Variants in ACSBG1 observed in about 807,000 individuals in gnomAD.
ACSBG1 encodes the protein long-chain-fatty-acid--CoA ligase ACSBG1.
ACSBG1 carries 39 observed loss-of-function variants against 80.2 expected under a neutral mutation model. That is an observed-to-expected ratio of 0.49 (90% CI 0.38 to 0.64). The LOEUF is 0.64. Ranked by LOEUF, ACSBG1 falls within the 30% of genes least tolerant of loss-of-function variation. The probability of loss-of-function intolerance (pLI) is 0.00; values close to 1 mark genes in which losing one functional copy is unlikely to be tolerated. For synonymous variants in ACSBG1, 392 were observed against 379.5 expected (o/e 1.03, Z -0.38); for missense variants, 828 against 966.4 (o/e 0.86, Z 1.90).
At chr15:78,186,767 G>A (rs1414690541) in intron 5 of ACSBG1, among the ~76,000 whole-genome samples, 1 of 152,084 alleles carries the variant, frequency 6.6e-6, no homozygotes, top group Non-Finnish European at 1.5e-5. Context: ...AAAAGAACTA[G>A]AAAAGCAAGA....
chr15:78,182,138 C>CACGTG lies in ACSBG1; in HGVS notation c.897_901dup (p.Trp301SerfsTer24). 2 of 1,608,658 alleles carry CACGTG rather than the reference C, an allele frequency of 1.2e-6. No homozygotes were observed. The highest frequency in any genetic ancestry group is 1.7e-6 in the Non-Finnish European group (2 of 1,179,728). ...GGCCTGGCTGCCGTACCGTGCCGTC[C>CACGTG]ACGTGATCTGGAGGACAAGTAGATG... On this transcript the variant is annotated frameshift_variant, in exon 8 of 14. Transcript: ENST00000258873. LOFTEE classifies it high-confidence loss of function.
At chr15:78,207,923 A>ACCCCCCCCCCCCCCCCCACACCCCC in intron 2 of ACSBG1, 79 bp downstream of exon 2, 1 of 284,792 alleles carries the variant, frequency 3.5e-6, no homozygotes, top group Non-Finnish European at 7.2e-6. Flanking sequence ...GTGGTCCCCC[A>ACCCCCCCCCCCCCCCCCACACCCCC]CACCACCCAC....
chr15:78,195,628 TGAA>T (rs926119483), intron 2 of ACSBG1, among the ~76,000 whole-genome samples: 6 of 152,178 alleles, frequency 3.9e-5, no homozygotes, highest in African/African-American at 1.4e-4. Flanking sequence ...AGGGTGTATA[TGAA>T]GAAGCTTTGA....
At chr15:78,181,489 CTTTTT>C (rs71145901) in intron 8 of ACSBG1, among the ~76,000 whole-genome samples, 3 of 83,044 alleles carry the variant, frequency 3.6e-5, no homozygotes, top group African/African-American at 9.4e-5. Flanking sequence ...CATCAGGTTT[CTTTTT>C]TTTTTTTTTT....
Position 78,180,884 on chromosome 15 carries a change from A to AC in ACSBG1, c.1123dup (p.Val375GlyfsTer104). On this transcript the variant is annotated frameshift_variant, in exon 9 of 14. Transcript: ENST00000258873. LOFTEE classifies it high-confidence loss of function. ...CATGATCTTCTCCCATACCCGGGGC[A>AC]CCCCCATGTGTGATGTGGGCTCCAC... is the stretch of plus-strand genomic sequence containing the variant. 1 of 1,614,000 alleles carries AC rather than the reference A, an allele frequency of 6.2e-7. No homozygotes were observed. The highest frequency in any genetic ancestry group is 8.5e-7 in the Non-Finnish European group (1 of 1,179,982).
At chr15:78,231,955 G>T (rs1221649404) in intron 1 of ACSBG1, among the ~76,000 whole-genome samples, 1 of 152,194 alleles carries the variant, frequency 6.6e-6, no homozygotes, top group Non-Finnish European at 1.5e-5. Flanking sequence ...CTGCAAGAAT[G>T]TCAGAGCAGG....
At chr15:78,193,189 C>T (rs954659394) in intron 5 of ACSBG1, among the ~76,000 whole-genome samples, 2 of 152,182 alleles carry the variant, frequency 1.3e-5, no homozygotes, top group Non-Finnish European at 2.9e-5. Context: ...CAGAGGACCC[C>T]GGCCCCCACA....
At position 78,206,195 on chromosome 15, in the gene ACSBG1, C is replaced by T. The variant is rs1344345928; in HGVS notation, c.232+1807G>A. On this transcript the variant is annotated intron_variant, in intron 2 of 13. Coordinates refer to ENST00000258873, the MANE Select transcript of ACSBG1 (RefSeq NM_015162.5). ...TGACAACCATGGTGCCTCCTTAGCC[C>T]CTCCCAAACCTCCCCTTTCTCTTTG... Among the ~76,000 whole-genome samples, 3 of 152,196 alleles carry T rather than the reference C, an allele frequency of 2.0e-5. No homozygotes were observed. In the East Asian group the frequency reaches 5.8e-4, roughly 29 times the overall value.
chr15:78,201,607 A>T (rs2075168545), intron 2 of ACSBG1, among the ~76,000 whole-genome samples: 4 of 152,210 alleles, frequency 2.6e-5, no homozygotes, highest in Admixed American at 2.6e-4. Flanking sequence ...AAGGGAAGAC[A>T]GATGCATCTT....
intron 2 of ACSBG1, among the ~76,000 whole-genome samples, chr15:78,204,768 A>C (rs972732742): frequency 6.6e-6 from 1 of 152,192 alleles, no homozygotes; most frequent in African/African-American, 2.4e-5. Context: ...ACCCGGCCTC[A>C]AACTGTGAGC....
chr15:78,227,040 T>G (rs1205708633), intron 1 of ACSBG1, among the ~76,000 whole-genome samples: 1 of 150,316 alleles, frequency 6.7e-6, no homozygotes, highest in Non-Finnish European at 1.5e-5. Context: ...GGCAACATGG[T>G]GAAACCTGGT....
chr15:78,209,460 C>G (rs1404826460), intron 1 of ACSBG1, among the ~76,000 whole-genome samples: 1 of 152,168 alleles, frequency 6.6e-6, no homozygotes, highest in Admixed American at 6.5e-5. Context: ...CGTGTGCTTC[C>G]GGGGCGAGGC....
At chr15:78,221,991 CT>C (rs1184298744) in intron 1 of ACSBG1, among the ~76,000 whole-genome samples, 3 of 152,154 alleles carry the variant, frequency 2.0e-5, no homozygotes, top group Non-Finnish European at 1.5e-5. Context: ...TTATGTCTTC[CT>C]TTTCTACATA....
chr15:78,212,817 C>T (rs1267022008), intron 1 of ACSBG1: 4 of 296,000 alleles, frequency 1.4e-5, no homozygotes, highest in Non-Finnish European at 2.1e-5. Context: ...TCATCTGCTC[C>T]TGGGGTGGGA....
intron 1 of ACSBG1, chr15:78,212,626 G>C: frequency 2.2e-6 from 1 of 455,748 alleles, no homozygotes; most frequent in Non-Finnish European, 4.4e-6. Flanking sequence ...TGCAATCTGT[G>C]AGCTTGCCCA....
chr15:78,209,863 C>T (rs34492856), intron 1 of ACSBG1, among the ~76,000 whole-genome samples: 2,658 of 152,312 alleles, frequency 0.017, 37 homozygotes, highest in Non-Finnish European at 0.026. Flanking sequence ...TAATGTCCCA[C>T]CATCTGAACT....
rs113777414 is a variant in ACSBG1, at chr15:78,182,041, G to C, written c.999C>G (p.Ala333=). Residue 333 remains alanine (A), a synonymous_variant, in exon 8 of 14, where the codon GCC becomes GCG. Transcript: ENST00000258873. ...TGCCTGTCCACAGGTCGTAGATCTG[G>C]GCGGCAATATGGCTGAGGGGCAGGT... The part of the protein sequence containing the change: ...VSYLPLSHIA[A]QIYDLWTGIQ... The C allele has an allele frequency of 9.3e-6, 15 of 1,614,176 alleles. No homozygotes were observed. Among genetic ancestry groups the C allele is most frequent in the African/African-American group, 8.0e-5 (6 of 75,060 alleles).
intron 2 of ACSBG1, among the ~76,000 whole-genome samples, chr15:78,200,660 C>T (rs1412071881): frequency 6.6e-6 from 1 of 152,144 alleles, no homozygotes; most frequent in Non-Finnish European, 1.5e-5. Context: ...CAAGGAAGAC[C>T]CCGGCACCAC....
rs1276410621 is a variant in ACSBG1 at position 78,173,625 on chromosome 15, T to C, written c.2057A>G (p.Glu686Gly). 1 of 1,614,158 alleles carries C rather than the reference T, an allele frequency of 6.2e-7. No homozygotes were observed. Among genetic ancestry groups the C allele is most frequent in the Admixed American group, 1.7e-5 (1 of 60,014 alleles). ...TCCACCCGAAATGGAGAAGTCTCTC[T>C]CGAGAATGGCCCACTTCTGGATGTG... ...PYHIQKWAIL[E>G]RDFSISGGEL... Residue 686 changes from glutamate (E) to glycine (G), a missense_variant, in exon 13 of 14, where the codon GAG becomes GGG. Physicochemically the swap from Glu to Gly is moderately conservative, Grantham distance 98 (BLOSUM62 -2). Coordinates refer to ENST00000258873, the MANE Select transcript of ACSBG1 (RefSeq NM_015162.5).
Sources: allele counts gnomAD v4.1 joint callset (sites outside exome capture counted in the v4.1 genomes callset), GRCh38; gene constraint gnomAD v4.1.1; transcripts MANE v1.5; gene names NCBI Gene and HGNC (gene_info 2026-07-23, HGNC 2026-07-21).